The following PATJ variants were observed in gnomAD, a reference collection of about 807,000 sequenced individuals.
The protein encoded by PATJ is inaD-like protein.
Under a neutral mutation model 224.9 loss-of-function variants are expected in PATJ, and 190 were observed. The observed-to-expected ratio is 0.84, with a 90% confidence interval of 0.75 to 0.95. PATJ has a LOEUF of 0.95. Ranked by LOEUF, PATJ falls within the 40% of genes least tolerant of loss-of-function variation. The pLI, the probability that PATJ is intolerant of heterozygous loss-of-function variation, is 0.00. For synonymous variants in PATJ, 769 were observed against 820.3 expected (o/e 0.94, Z 1.07); for missense variants, 2,121 against 2,270.3 (o/e 0.93, Z 1.34).
Position 61,901,373 on chromosome 1 carries a change from C to T in PATJ, c.3295C>T (p.Leu1099Phe), listed in dbSNP as rs1671130601. Reference protein sequence around the residue: ...VIKRLKNGEELKGIFIKQVLE... With the variant: ...VIKRLKNGEEFKGIFIKQVLE... ...AAAACGTCTAAAGAATGGAGAGGAGCTTAAAGGTATATTCATCAAACAAGT... is the reference window on the plus strand; with the variant it reads ...AAAACGTCTAAAGAATGGAGAGGAGTTTAAAGGTATATTCATCAAACAAGT... Residue 1099 changes from leucine to phenylalanine, a missense_variant, in exon 24 of 44, where the codon CTT (leucine) becomes TTT (phenylalanine). Physicochemically the swap from Leu to Phe is conservative, Grantham distance 22 (BLOSUM62 0). Transcript: ENST00000642238. 2.5e-6 allele frequency: 4 copies of T among 1,587,604 alleles called. No individual in the cohort carries two copies. The highest frequency in any genetic ancestry group is 2.7e-5 in the African/African-American group (2 of 73,030).
Position 62,086,958 on chromosome 1 carries a change from C to T in PATJ, c.4377+2310C>T, listed in dbSNP as rs1013059055. ...GAGAGTGTGTTACAATGCTAACCTC[C>T]GTCGTCCGTGGACAGCGGTACGTTA... is the stretch of plus-strand genomic sequence containing the variant. On this transcript the variant is annotated intron_variant, in intron 33 of 43. Transcript: ENST00000642238. The surrounding 1 kb of genome is among the most constrained non-coding windows in gnomAD (Gnocchi z 4.0). 6.6e-6 allele frequency among the ~76,000 whole-genome samples: 1 copy of T among 152,120 alleles called. No homozygotes were observed. Among genetic ancestry groups the T allele is most frequent in the Non-Finnish European group, 1.5e-5 (1 of 68,022 alleles).
chr1:61,952,253 T>TGAGAGA (rs111315851), intron 27 of PATJ: 22 of 475,160 alleles, frequency 4.6e-5, no homozygotes, highest in African/African-American at 3.0e-4. Context: ...GAACAAAATC[T>TGAGAGA]GAGAGAGAGA....
intron 14 of PATJ, among the ~76,000 whole-genome samples, chr1:61,811,622 G>A (rs1403286882): frequency 6.7e-6 from 1 of 150,180 alleles, no homozygotes; most frequent in Non-Finnish European, 1.5e-5. Flanking sequence ...CTATTTAAAT[G>A]TTTTCTAGTT....
intron 22 of PATJ, among the ~76,000 whole-genome samples, chr1:61,897,563 C>T (rs1670557211): frequency 6.6e-6 from 1 of 152,128 alleles, no homozygotes; most frequent in Non-Finnish European, 1.5e-5. Flanking sequence ...ACCAATTTCA[C>T]CTGTGAATTC....
chr1:62,048,545 CAAAAAA>C (rs773157635), intron 30 of PATJ, among the ~76,000 whole-genome samples: 24 of 66,192 alleles, frequency 3.6e-4, no homozygotes, highest in Admixed American at 1.9e-3. Context: ...GACTCTGTCT[CAAAAAA>C]AAAAAAAAAA....
intron 31 of PATJ, among the ~76,000 whole-genome samples, chr1:62,068,273 A>T (rs1263839426): frequency 6.6e-6 from 1 of 152,194 alleles, no homozygotes; most frequent in Non-Finnish European, 1.5e-5. Context: ...ATTTGACATT[A>T]CTTAGACAAA....
chr1:62,069,530 G>A (rs577765928), intron 31 of PATJ, among the ~76,000 whole-genome samples: 3 of 152,122 alleles, frequency 2.0e-5, no homozygotes, highest in Middle Eastern at 3.4e-3. Context: ...CCCTTGGCTC[G>A]GATGTTTAAG....
At chr1:61,948,191 A>G (rs1464543675) in intron 27 of PATJ, among the ~76,000 whole-genome samples, 1 of 152,244 alleles carries the variant, frequency 6.6e-6, no homozygotes, top group Non-Finnish European at 1.5e-5. Flanking sequence ...AGCAATAGCA[A>G]CAAAAGCCAA....
At chr1:61,954,664 A>G (rs913510647) in intron 27 of PATJ, among the ~76,000 whole-genome samples, 1 of 152,012 alleles carries the variant, frequency 6.6e-6, no homozygotes, top group South Asian at 2.1e-4. Context: ...ATCACTCCTA[A>G]GTTTCTATCA....
rs1354225826 is a variant in PATJ at position 61,797,407 on chromosome 1, C to T, written c.1381C>T (p.Leu461Phe). Residue 461 changes from leucine to phenylalanine, a missense_variant, in exon 11 of 44, where the codon CTT (leucine) becomes TTT (phenylalanine). Leu to Phe is a conservative substitution (Grantham distance 22). Transcript: ENST00000642238. Reference protein sequence around the residue: ...RRKTSSSTSPLEPPSDRGTVV... With the variant: ...RRKTSSSTSPFEPPSDRGTVV... The stretch of plus-strand genomic sequence containing the variant: ...GAAGACATCCTCATCTACTTCTCCA[C>T]TTGAACCACCTTCAGACAGAGGTGA... 1 of 1,613,688 alleles carries T rather than the reference C, an allele frequency of 6.2e-7. No homozygotes were observed. The highest frequency in any genetic ancestry group is 1.7e-5 in the Admixed American group (1 of 60,006).
intron 28 of PATJ, among the ~76,000 whole-genome samples, chr1:62,008,769 A>G (rs993825106): frequency 6.6e-6 from 1 of 152,180 alleles, no homozygotes; most frequent in African/African-American, 2.4e-5. Flanking sequence ...AAATAAATAA[A>G]TAAGTAATTG....
At chr1:61,859,985 T>C (rs1346216069) in intron 18 of PATJ, among the ~76,000 whole-genome samples, 1 of 152,192 alleles carries the variant, frequency 6.6e-6, no homozygotes, top group Non-Finnish European at 1.5e-5. Flanking sequence ...AGAATGTGAA[T>C]AAGCAGATCC....
intron 1 of PATJ, among the ~76,000 whole-genome samples, chr1:61,757,797 G>C (rs79317682): frequency 1.3e-5 from 2 of 152,108 alleles, no homozygotes; most frequent in Non-Finnish European, 2.9e-5. Context: ...AGTAGTCTCT[G>C]TTACTACATT....
At chr1:62,070,671 T>C (rs1393121538) in intron 31 of PATJ, among the ~76,000 whole-genome samples, 1 of 152,174 alleles carries the variant, frequency 6.6e-6, no homozygotes, top group Non-Finnish European at 1.5e-5. Context: ...TATCATATCA[T>C]CTGTTTAGAA....
At position 61,964,640 on chromosome 1, in the gene PATJ, T is replaced by C. The variant is rs372188803; in HGVS notation, c.3671-25528T>C. On this transcript the variant is annotated intron_variant, in intron 27 of 43. Transcript: ENST00000642238. The stretch of plus-strand genomic sequence containing the variant: ...CCCATCTCTACCAAAAATACAAAAA[T>C]TAACTGGGCGTGGTGTGGCACATTT... Among the ~76,000 whole-genome samples, 3 of 150,998 alleles carry C rather than the reference T, an allele frequency of 2.0e-5. No homozygotes were observed. In the East Asian group the frequency reaches 6.0e-4, roughly 30 times the overall value.
At chr1:61,899,135 G>T (rs529497213) in intron 22 of PATJ, among the ~76,000 whole-genome samples, 1 of 152,238 alleles carries the variant, frequency 6.6e-6, no homozygotes, top group Admixed American at 6.5e-5. Context: ...AAATGACGGG[G>T]AAATACTTAG....
intron 29 of PATJ, among the ~76,000 whole-genome samples, chr1:62,023,842 G>T: frequency 6.6e-6 from 1 of 152,180 alleles, no homozygotes; most frequent in Non-Finnish European, 1.5e-5. Flanking sequence ...ATTTTTCAGA[G>T]ATGGCTCTTA....
chr1:62,096,331 T>C (rs1661392946), intron 33 of PATJ, among the ~76,000 whole-genome samples: 2 of 152,132 alleles, frequency 1.3e-5, no homozygotes, highest in East Asian at 3.9e-4. Context: ...AAATAAATTT[T>C]AGGGAGTAGA....
At chr1:62,061,900 C>T (rs1221704717) in intron 31 of PATJ, among the ~76,000 whole-genome samples, 9 of 152,064 alleles carry the variant, frequency 5.9e-5, no homozygotes, top group African/African-American at 2.2e-4. Context: ...ACCTCATGAT[C>T]CACCCGCCTC....
Sources: gnomAD v4.1 joint callset for allele counts (sites outside exome capture counted in the v4.1 genomes callset) on GRCh38, gnomAD v4.1.1 for gene constraint, Gnocchi (gnomAD v3.1) non-coding constraint, MANE v1.5 for transcripts, NCBI Gene and HGNC (gene_info 2026-07-23, HGNC 2026-07-21) for gene names.